LRRC4C: variants seen among roughly 807,000 people sequenced by gnomAD.
LRRC4C encodes the protein leucine rich repeat containing 4C, also known as leucine-rich repeat-containing protein 4C.
LRRC4C carries 5 observed loss-of-function variants against 33.6 expected under a neutral mutation model. The observed-to-expected ratio is 0.15, with a 90% confidence interval of 0.08 to 0.31. The LOEUF is 0.31. Among genes scored for constraint, LRRC4C ranks in the 10% least tolerant of loss-of-function variants. The probability of loss-of-function intolerance (pLI) is 1.00; values close to 1 mark genes in which losing one functional copy is unlikely to be tolerated. For missense variants in LRRC4C, 560 were observed against 796.7 expected, an observed-to-expected ratio of 0.70 and a Z score of 3.58; for synonymous variants, 329 against 302.0, an observed-to-expected ratio of 1.09 and a Z score of -0.93.
At chr11:41,059,781 T>TGAGC (rs1716137048) in intron 1 of LRRC4C, among the ~76,000 whole-genome samples, 1 of 152,056 alleles carries the variant, frequency 6.6e-6, no homozygotes, top group Admixed American at 6.5e-5. Context: ...TCCCAGCACT[T>TGAGC]TGGGAGGCTG....
At chr11:40,520,820 G>A (rs942718214) in intron 3 of LRRC4C, among the ~76,000 whole-genome samples, 4 of 152,030 alleles carry the variant, frequency 2.6e-5, no homozygotes, top group African/African-American at 9.7e-5. Flanking sequence ...ATAAAATGAG[G>A]TATGCCTGTA....
At chr11:41,225,098 T>C (rs1947470813) in intron 1 of LRRC4C, among the ~76,000 whole-genome samples, 1 of 151,890 alleles carries the variant, frequency 6.6e-6, no homozygotes, top group African/African-American at 2.4e-5. Flanking sequence ...CACATGAGGA[T>C]AGAGAGTAGA....
intron 2 of LRRC4C, among the ~76,000 whole-genome samples, chr11:40,667,057 T>C (rs981950829): frequency 1.3e-5 from 2 of 152,200 alleles, no homozygotes; most frequent in African/African-American, 4.8e-5. Flanking sequence ...ATGTAGATTA[T>C]TCAAAATGTA....
intron 3 of LRRC4C, among the ~76,000 whole-genome samples, chr11:40,545,875 A>G (rs1591063376): frequency 6.6e-6 from 1 of 152,026 alleles, no homozygotes; most frequent in Non-Finnish European, 1.5e-5. Context: ...TCATTAAAAA[A>G]TAGAGCAACT....
chr11:41,321,990 G>A (rs1317964606), intron 1 of LRRC4C, among the ~76,000 whole-genome samples: 1 of 151,906 alleles, frequency 6.6e-6, no homozygotes. Context: ...TCAACCTCCT[G>A]AGTAGCTGGC....
At chr11:41,081,419 A>G (rs540632187) in intron 1 of LRRC4C, among the ~76,000 whole-genome samples, 1 of 152,328 alleles carries the variant, frequency 6.6e-6, no homozygotes, top group South Asian at 2.1e-4. Context: ...CTCACCCAGC[A>G]GTCTTCACCT....
intron 2 of LRRC4C, among the ~76,000 whole-genome samples, chr11:40,799,718 C>T (rs538160310): frequency 6.7e-4 from 102 of 152,318 alleles, no homozygotes; most frequent in African/African-American, 2.4e-3. Flanking sequence ...ATTCACCTGC[C>T]TCGGCCTCCC....
intron 3 of LRRC4C, among the ~76,000 whole-genome samples, chr11:40,519,280 T>C (rs888517027): frequency 1.3e-5 from 2 of 152,136 alleles, no homozygotes; most frequent in African/African-American, 4.8e-5. Context: ...AGAAGTCTTA[T>C]GAAGTAGAAA....
chr11:40,609,788 A>G (rs1213677040), intron 3 of LRRC4C, among the ~76,000 whole-genome samples: 1 of 151,922 alleles, frequency 6.6e-6, no homozygotes, highest in African/African-American at 2.4e-5. Flanking sequence ...GAAACTGAGT[A>G]ACCTAGAAGA....
intron 3 of LRRC4C, among the ~76,000 whole-genome samples, chr11:40,566,857 A>T (rs1957787014): frequency 6.6e-6 from 1 of 152,166 alleles, no homozygotes; most frequent in Admixed American, 6.5e-5. Flanking sequence ...AAGAAATCAA[A>T]ATAAAAGCAT....
At chr11:41,182,538 TGTTA>T (rs1359390778) in intron 1 of LRRC4C, among the ~76,000 whole-genome samples, 1 of 152,170 alleles carries the variant, frequency 6.6e-6, no homozygotes, top group Non-Finnish European at 1.5e-5. Flanking sequence ...GTTTCCTTAT[TGTTA>T]TATTATTGAT....
intron 2 of LRRC4C, among the ~76,000 whole-genome samples, chr11:40,737,793 G>T (rs1947959173): frequency 6.6e-6 from 1 of 152,076 alleles, no homozygotes. Context: ...TGGTCATACT[G>T]CCCAAAGTAA....
chr11:40,641,809 C>T (rs1942137105), intron 3 of LRRC4C, among the ~76,000 whole-genome samples: 1 of 152,128 alleles, frequency 6.6e-6, no homozygotes, highest in Non-Finnish European at 1.5e-5. Flanking sequence ...AGTTTGTTAG[C>T]TGTGACTCTG....
chr11:40,633,318 G>C (rs148528413), intron 3 of LRRC4C, among the ~76,000 whole-genome samples: 2 of 113,618 alleles, frequency 1.8e-5, no homozygotes, highest in East Asian at 6.3e-4. Context: ...GCTCAGCCAA[G>C]TTTTCTTTTT....
chr11:40,334,359 T>C (rs1590348256), intron 3 of LRRC4C, among the ~76,000 whole-genome samples: 1 of 152,268 alleles, frequency 6.6e-6, no homozygotes, highest in East Asian at 1.9e-4. Context: ...TGGGTACTAT[T>C]ATCCATGAGG....
At chr11:40,871,453 T>TCC (rs1954641448) in intron 2 of LRRC4C, among the ~76,000 whole-genome samples, 1 of 152,088 alleles carries the variant, frequency 6.6e-6, no homozygotes, top group Non-Finnish European at 1.5e-5. Context: ...TCCCTTTATT[T>TCC]CTCAGACTGG....
chr11:40,948,757 C>T (rs1271233937), intron 1 of LRRC4C, among the ~76,000 whole-genome samples: 1 of 148,530 alleles, frequency 6.7e-6, no homozygotes. Context: ...TTTCTTAATC[C>T]AGTCTATCAT....
At chr11:40,400,543 AC>A (rs1949719401) in intron 3 of LRRC4C, among the ~76,000 whole-genome samples, 1 of 152,048 alleles carries the variant, frequency 6.6e-6, no homozygotes, top group African/African-American at 2.4e-5. Context: ...GCTCTTCAGT[AC>A]TACCTGGAAA....
intron 1 of LRRC4C, among the ~76,000 whole-genome samples, chr11:41,022,146 A>T (rs868067909): frequency 1.6e-4 from 23 of 140,212 alleles, no homozygotes; most frequent in African/African-American, 5.8e-4. Flanking sequence ...TTTGTTTTAT[A>T]TATATATATA....
Sources: gnomAD v4.1 joint callset for allele counts (sites outside exome capture counted in the v4.1 genomes callset) on GRCh38, gnomAD v4.1.1 for gene constraint, MANE v1.5 for transcripts, NCBI Gene and HGNC (gene_info 2026-07-23, HGNC 2026-07-21) for gene names.